Variants in DEPTOR observed in about 807,000 individuals in gnomAD.
DEPTOR encodes DEP domain-containing mTOR-interacting protein.
A neutral mutation model predicts 41.6 loss-of-function variants in DEPTOR; 41 were observed. The observed-to-expected ratio is 0.98, with a 90% confidence interval of 0.77 to 1.28. The LOEUF (loss-of-function observed/expected upper bound fraction) is 1.28. DEPTOR is among the 50% of genes most tolerant of loss of function. DEPTOR has a pLI of 0.00. For missense variants in DEPTOR, 514 were observed against 527.9 expected, an observed-to-expected ratio of 0.97 and a Z score of 0.26; for synonymous variants, 195 against 192.3, an observed-to-expected ratio of 1.01 and a Z score of -0.12.
intron 8 of DEPTOR, among the ~76,000 whole-genome samples, chr8:120,026,774 A>G (rs1812802873): frequency 6.6e-6 from 1 of 152,136 alleles, no homozygotes; most frequent in Admixed American, 6.5e-5. Context: ...TATGAAATAG[A>G]CTCACTTCAG....
intron 3 of DEPTOR, among the ~76,000 whole-genome samples, chr8:119,955,965 G>A (rs998056579): frequency 5.9e-5 from 9 of 152,084 alleles, no homozygotes; most frequent in Non-Finnish European, 1.0e-4. Context: ...GCATCACCAG[G>A]TCCAGACTTC....
chr8:119,946,470 A>C (rs1014509572), intron 3 of DEPTOR, among the ~76,000 whole-genome samples: 2 of 150,632 alleles, frequency 1.3e-5, no homozygotes, highest in Non-Finnish European at 3.0e-5. Flanking sequence ...GGCCGGGTGC[A>C]GTGGCTCATG....
At position 120,027,234 on chromosome 8, in the gene DEPTOR, A is replaced by AAAT. The variant is rs10529651; in HGVS notation, c.1101+18126_1101+18128dup. On this transcript the variant is annotated intron_variant, in intron 8 of 8. Transcript: ENST00000286234. ...ACTCCATCTCAAAAAAATAAAAATAAAATAATAATAATAATAATAATAATA... is the reference window on the plus strand; with the variant it reads ...ACTCCATCTCAAAAAAATAAAAATAAAATAATAATAATAATAATAATAATAATA... Among the ~76,000 whole-genome samples the AAAT allele has an allele frequency of 4.3e-3, 620 of 145,088 alleles. 5 individuals are homozygous for AAAT. The highest frequency in any genetic ancestry group is 0.01 in the African/African-American group (410 of 39,798).
chr8:120,002,297 G>T (rs1812361683), intron 5 of DEPTOR, among the ~76,000 whole-genome samples: 1 of 151,508 alleles, frequency 6.6e-6, no homozygotes, highest in African/African-American at 2.4e-5. Flanking sequence ...GTGTCACCAT[G>T]CCTGGCTCAT....
At chr8:120,008,654 CT>C (rs1812485601) in intron 7 of DEPTOR, among the ~76,000 whole-genome samples, 1 of 151,528 alleles carries the variant, frequency 6.6e-6, no homozygotes, top group African/African-American at 2.4e-5. Flanking sequence ...AAAGAACAAA[CT>C]TAGAGCAGAA....
intron 3 of DEPTOR, 72 bp downstream of exon 3, chr8:119,930,010 T>G: frequency 6.6e-7 from 1 of 1,505,588 alleles, no homozygotes; most frequent in Non-Finnish European, 8.9e-7. Flanking sequence ...AGTCTCATTA[T>G]GTTGATTTCA....
intron 8 of DEPTOR, among the ~76,000 whole-genome samples, chr8:120,045,104 G>A (rs1813134773): frequency 6.6e-6 from 1 of 152,160 alleles, no homozygotes; most frequent in South Asian, 2.1e-4. Flanking sequence ...ATGTGCTCAG[G>A]TGGCAGCACA....
At chr8:119,944,656 TC>T (rs1828248156) in intron 3 of DEPTOR, among the ~76,000 whole-genome samples, 1 of 125,510 alleles carries the variant, frequency 8.0e-6, no homozygotes, top group African/African-American at 2.8e-5. Flanking sequence ...TTCTTTCTTT[TC>T]TTTTTTTTTT....
intron 3 of DEPTOR, among the ~76,000 whole-genome samples, chr8:119,946,681 C>T (rs1175174690): frequency 6.6e-6 from 1 of 151,922 alleles, no homozygotes; most frequent in Non-Finnish European, 1.5e-5. Context: ...TTGCGGTGAG[C>T]CGAGATTGTA....
At chr8:119,961,362 G>C (rs949283871) in intron 3 of DEPTOR, among the ~76,000 whole-genome samples, 2 of 147,290 alleles carry the variant, frequency 1.4e-5, no homozygotes, top group Non-Finnish European at 3.0e-5. Flanking sequence ...GTTGCGGTGA[G>C]CTGAGATTGC....
intron 1 of DEPTOR, chr8:119,891,292 A>C (rs1210060534): frequency 5.3e-5 from 8 of 151,990 alleles, no homozygotes. Flanking sequence ...CTTCATGAAG[A>C]CTTCTTTTAT....
intron 8 of DEPTOR, among the ~76,000 whole-genome samples, chr8:120,029,797 A>G (rs1446310308): frequency 6.6e-6 from 1 of 152,000 alleles, no homozygotes; most frequent in Non-Finnish European, 1.5e-5. Flanking sequence ...TTTTGGCAGG[A>G]GTTTGTGCTG....
chr8:119,942,556 T>C (rs750719346), intron 3 of DEPTOR, among the ~76,000 whole-genome samples: 1 of 152,174 alleles, frequency 6.6e-6, no homozygotes, highest in Non-Finnish European at 1.5e-5. Context: ...TAGACTGGAC[T>C]CATTGATGGT....
intron 1 of DEPTOR, among the ~76,000 whole-genome samples, chr8:119,878,817 G>A (rs1827260758): frequency 6.6e-6 from 1 of 151,808 alleles, no homozygotes; most frequent in African/African-American, 2.4e-5. Flanking sequence ...GCATCTTAAA[G>A]ATGCATTTGG....
At chr8:119,983,215 A>G (rs1297246511) in intron 4 of DEPTOR, among the ~76,000 whole-genome samples, 1 of 151,938 alleles carries the variant, frequency 6.6e-6, no homozygotes, top group East Asian at 1.9e-4. Flanking sequence ...AGCTATCTGT[A>G]CTATCTTTGC....
At chr8:119,877,630 G>A (rs1342180575) in intron 1 of DEPTOR, among the ~76,000 whole-genome samples, 2 of 152,146 alleles carry the variant, frequency 1.3e-5, no homozygotes, top group African/African-American at 4.8e-5. Flanking sequence ...CCAAGGACTG[G>A]GATTTGAAAT....
At position 119,918,870 on chromosome 8, in the gene DEPTOR, A is replaced by G. The variant is rs541032481; in HGVS notation, c.123-9530A>G. Among the ~76,000 whole-genome samples, 19 of 152,186 alleles carry G rather than the reference A, an allele frequency of 1.2e-4. No homozygotes were observed. In the South Asian group the frequency reaches 2.5e-3, roughly 20 times the overall value. On this transcript the variant is annotated intron_variant, in intron 1 of 8. Coordinates refer to ENST00000286234, the MANE Select transcript of DEPTOR (RefSeq NM_022783.4). ...CAGACCCCCAAAATGCTGGGACTAC[A>G]GGCCTGAGCCACCGCGCCTGGCCAT...
intron 3 of DEPTOR, among the ~76,000 whole-genome samples, chr8:119,953,813 T>C (rs1445500520): frequency 8.0e-5 from 12 of 149,880 alleles, no homozygotes; most frequent in Admixed American, 2.7e-4. Context: ...TTTTTTTTTT[T>C]TTTTTTCTTA....
Position 119,961,357 on chromosome 8 carries a change from G to A in DEPTOR, c.426-3875G>A, listed in dbSNP as rs141674325. 3.0e-3 allele frequency among the ~76,000 whole-genome samples: 444 copies of A among 150,404 alleles called. 10 individuals carry two copies. Among genetic ancestry groups the A allele is most frequent in the Admixed American group, 0.014 (214 of 14,984 alleles). Reference sequence around the variant, plus strand: ...CTTGAACCTGGGAGGTAGAGGTTGCGGTGAGCTGAGATTGCATCATTGCAC... The same window carrying A: ...CTTGAACCTGGGAGGTAGAGGTTGCAGTGAGCTGAGATTGCATCATTGCAC... On this transcript the variant is annotated intron_variant, in intron 3 of 8. Coordinates refer to ENST00000286234, the MANE Select transcript of DEPTOR (RefSeq NM_022783.4).
Sources: allele counts gnomAD v4.1 joint callset (sites outside exome capture counted in the v4.1 genomes callset), GRCh38; gene constraint gnomAD v4.1.1; transcripts MANE v1.5; gene names NCBI Gene and HGNC (gene_info 2026-07-23, HGNC 2026-07-21).